Variants in SMG1 observed in about 807,000 individuals in gnomAD.
SMG1 encodes SMG1 nonsense mediated mRNA decay associated PI3K related kinase.
In SMG1, 22 loss-of-function variants were observed where a neutral mutation model predicts 419.9. The observed-to-expected ratio is 0.05, with a 90% CI of 0.04 to 0.07. The LOEUF (loss-of-function observed/expected upper bound fraction) is 0.07, where lower values mean the gene tolerates loss of function less well. Ranked by LOEUF, SMG1 falls within the 10% of genes least tolerant of loss-of-function variation. The pLI, the probability that SMG1 is intolerant of heterozygous loss-of-function variation, is 1.00. For synonymous variants in SMG1, 1,538 were observed against 1,553.5 expected, an observed-to-expected ratio of 0.99 and a Z score of 0.23; for missense variants, 3,185 against 4,342.0, an observed-to-expected ratio of 0.73 and a Z score of 7.49.
At chr16:18,895,073 T>C (rs2037060419) in intron 3 of SMG1, among the ~76,000 whole-genome samples, 1 of 151,914 alleles carries the variant, frequency 6.6e-6, no homozygotes, top group South Asian at 2.1e-4. Context: ...CGTCTCAGCC[T>C]CCCAAAGTGC....
At chr16:18,832,692 A>G (rs1051935539) in intron 51 of SMG1, among the ~76,000 whole-genome samples, 1 of 152,100 alleles carries the variant, frequency 6.6e-6, no homozygotes, top group African/African-American at 2.4e-5. Context: ...GTGTTACTAT[A>G]GATACTAACA....
chr16:18,862,357 T>C (rs1395706020), intron 25 of SMG1, among the ~76,000 whole-genome samples: 1 of 152,190 alleles, frequency 6.6e-6, no homozygotes, highest in Non-Finnish European at 1.5e-5. Context: ...TCACTATTCT[T>C]CAGAGGCTTC....
chr16:18,890,045 C>T (rs2036807878), intron 5 of SMG1, among the ~76,000 whole-genome samples: 2 of 152,074 alleles, frequency 1.3e-5, no homozygotes, highest in South Asian at 4.1e-4. Flanking sequence ...CATCAAAAGG[C>T]ACTAAGGTTT....
chr16:18,874,903 C>CCTT (rs2036032274), intron 13 of SMG1, among the ~76,000 whole-genome samples: 2 of 94,580 alleles, frequency 2.1e-5, no homozygotes, highest in Admixed American at 1.6e-4. Flanking sequence ...AAAAAAAAGC[C>CCTT]TTTTTTTTTT....
At chr16:18,813,850 G>A (rs2141088586) in intron 60 of SMG1, among the ~76,000 whole-genome samples, 1 of 151,580 alleles carries the variant, frequency 6.6e-6, no homozygotes, top group Middle Eastern at 3.4e-3. Context: ...TAGCCAACAT[G>A]GCAAAATCCT....
intron 1 of SMG1, among the ~76,000 whole-genome samples, chr16:18,921,920 T>C (rs2142032531): frequency 6.6e-6 from 1 of 152,324 alleles, no homozygotes; most frequent in African/African-American, 2.4e-5. Flanking sequence ...GTTTCATCCT[T>C]TTAGAAGTAT....
chr16:18,891,265 G>A (rs930509020), intron 4 of SMG1, among the ~76,000 whole-genome samples: 9 of 152,142 alleles, frequency 5.9e-5, no homozygotes, highest in East Asian at 1.9e-4. Context: ...AAATGTTAAC[G>A]ACAAAAATTA....
At chr16:18,875,745 A>T (rs1010646960) in intron 13 of SMG1, 3 of 283,134 alleles carry the variant, frequency 1.1e-5, no homozygotes, top group Non-Finnish European at 2.0e-5. Flanking sequence ...TTCAGTAGAC[A>T]GAAAGAAAAA....
At chr16:18,922,550 C>A (rs2038236850) in intron 1 of SMG1, among the ~76,000 whole-genome samples, 2 of 152,168 alleles carry the variant, frequency 1.3e-5, no homozygotes, top group South Asian at 4.1e-4. Context: ...GGACAACCTC[C>A]GCCTCTCAGG....
Position 18,852,052 on chromosome 16 carries a change from C to T in SMG1, c.5052+15G>A. 1 of 1,597,282 alleles carries T rather than the reference C, an allele frequency of 6.3e-7. No individual in the cohort carries two copies. The highest frequency in any genetic ancestry group is 8.5e-7 in the Non-Finnish European group (1 of 1,173,750). On this transcript the variant is annotated intron_variant, in intron 33 of 62. Transcript: ENST00000446231. ...TGGAGTAGCAATCTTGCCCCAAGCACCATGTTTTCCTTGCCTGAATCCCCG... is the reference window on the plus strand; with the variant it reads ...TGGAGTAGCAATCTTGCCCCAAGCATCATGTTTTCCTTGCCTGAATCCCCG...
chr16:18,865,534 C>T lies in SMG1; in HGVS notation c.3350+1087G>A, dbSNP rs534389577. ...ATATAAGCAAAGATATTAAGTGCTACGGTACATTTAGTAAAAAAAAATATC... is the reference window on the plus strand; with the variant it reads ...ATATAAGCAAAGATATTAAGTGCTATGGTACATTTAGTAAAAAAAAATATC... On this transcript the variant is annotated intron_variant, in intron 23 of 62. Transcript: ENST00000446231. Among the ~76,000 whole-genome samples, 11 of 132,742 alleles carry T rather than the reference C, an allele frequency of 8.3e-5. No individual in the cohort carries two copies. In the South Asian group the frequency reaches 1.9e-3, roughly 23 times the overall value. The allele number at this position is 132,742 out of a possible 152,430, so 87.1% of individuals were successfully genotyped here.
intron 22 of SMG1, 120 bp downstream of exon 22, chr16:18,868,070 C>A (rs2035619612): frequency 2.6e-6 from 2 of 761,732 alleles, no homozygotes; most frequent in South Asian, 3.5e-5. Flanking sequence ...AGGATCAAAA[C>A]CTTTGAAAAT....
At chr16:18,898,346 C>CA (rs2037216392) in intron 1 of SMG1, among the ~76,000 whole-genome samples, 1 of 152,120 alleles carries the variant, frequency 6.6e-6, no homozygotes, top group Non-Finnish European at 1.5e-5. Context: ...TTCTAATATT[C>CA]AGAGTTCATT....
chr16:18,874,143 G>GT (rs1031362374), intron 13 of SMG1, among the ~76,000 whole-genome samples: 5 of 151,742 alleles, frequency 3.3e-5, no homozygotes, highest in South Asian at 2.1e-4. Flanking sequence ...CTTTCTTTGT[G>GT]TTTTTTTTCT....
At chr16:18,906,839 C>T (rs1169728902) in intron 1 of SMG1, among the ~76,000 whole-genome samples, 2 of 152,202 alleles carry the variant, frequency 1.3e-5, no homozygotes, top group African/African-American at 4.8e-5. Context: ...TCCATTATGA[C>T]CTCCAGGCTG....
At chr16:18,854,568 TTAC>T (rs1316727252) in intron 30 of SMG1, 85 bp downstream of exon 30, 1 of 1,260,080 alleles carries the variant, frequency 7.9e-7, no homozygotes, top group African/African-American at 1.5e-5. Context: ...AACTTTGCTA[TTAC>T]TACCTTATAC....
intron 18 of SMG1, among the ~76,000 whole-genome samples, chr16:18,870,245 T>C (rs567724517): frequency 2.0e-5 from 3 of 152,326 alleles, no homozygotes; most frequent in African/African-American, 7.2e-5. Context: ...AACCCAATCA[T>C]TATGCTTATG....
Position 18,819,586 on chromosome 16 carries a change from T to C in SMG1, c.9810A>G (p.Ala3270=). ...CAAAATCTTGTAGTACAGGGGCCAA[T>C]GCAGGGTTGGCACCACCTGCCCACT... ...RLKWAGGANP[A]LAPVLQDFEA... is the part of the protein sequence containing the mutation. The change falls in exon 56 of 63, where the codon GCA becomes GCG. Residue 3270 remains alanine (A), a synonymous_variant. Transcript: ENST00000446231. The C allele has an allele frequency of 1.3e-6, 2 of 1,598,506 alleles. No homozygotes were observed. Among genetic ancestry groups the C allele is most frequent in the South Asian group, 2.3e-5 (2 of 88,456 alleles).
At chr16:18,893,402 A>G (rs2036970603) in intron 3 of SMG1, among the ~76,000 whole-genome samples, 1 of 152,220 alleles carries the variant, frequency 6.6e-6, no homozygotes, top group Non-Finnish European at 1.5e-5. Flanking sequence ...AGGCAGGCAG[A>G]TCACTTGAGC....
Sources: gnomAD v4.1 joint callset for allele counts (sites outside exome capture counted in the v4.1 genomes callset) on GRCh38, gnomAD v4.1.1 for gene constraint, MANE v1.5 for transcripts, NCBI Gene and HGNC (gene_info 2026-07-23, HGNC 2026-07-21) for gene names.